SDK2: variants seen among roughly 807,000 people sequenced by gnomAD.
The protein encoded by SDK2 is protein sidekick-2.
A neutral mutation model predicts 253.9 loss-of-function variants in SDK2; 105 were observed. The ratio of observed to expected loss-of-function variants is 0.41; its 90% CI spans 0.35 to 0.49. The LOEUF (loss-of-function observed/expected upper bound fraction) is 0.49. SDK2 is among the 20% of genes least tolerant of loss of function. The pLI is 0.06. For missense variants in SDK2, 2,608 were observed against 3,003.0 expected, an observed-to-expected ratio of 0.87 and a Z score of 3.07; for synonymous variants, 1,249 against 1,234.9, an observed-to-expected ratio of 1.01 and a Z score of -0.24.
intron 3 of SDK2, among the ~76,000 whole-genome samples, chr17:73,457,347 C>T (rs1359584069): frequency 7.6e-6 from 1 of 132,202 alleles, no homozygotes; most frequent in East Asian, 2.5e-4. Flanking sequence ...CCTCTCCTCT[C>T]TTTCTTTCTT....
chr17:73,364,011 A>G (rs973569947), intron 38 of SDK2, among the ~76,000 whole-genome samples: 6 of 151,684 alleles, frequency 4.0e-5, no homozygotes, highest in Non-Finnish European at 7.4e-5. Context: ...GCTGGTCACA[A>G]CGATGTTCCC....
intron 34 of SDK2, among the ~76,000 whole-genome samples, chr17:73,380,674 A>G (rs1023636616): frequency 2.0e-5 from 3 of 152,196 alleles, no homozygotes; most frequent in African/African-American, 7.2e-5. Flanking sequence ...TTTCCAGCCC[A>G]CACCCAACAG....
chr17:73,543,379 C>T (rs577685510), intron 1 of SDK2, among the ~76,000 whole-genome samples: 11 of 152,324 alleles, frequency 7.2e-5, no homozygotes, highest in African/African-American at 2.6e-4. Flanking sequence ...CCATGCCGCT[C>T]ATATCCCCTG....
intron 25 of SDK2, among the ~76,000 whole-genome samples, chr17:73,394,667 G>C (rs575718420): frequency 6.6e-6 from 1 of 152,324 alleles, no homozygotes; most frequent in African/African-American, 2.4e-5. Flanking sequence ...AAGGGTGCCA[G>C]GAAAAAGCCA....
intron 36 of SDK2, among the ~76,000 whole-genome samples, chr17:73,371,479 T>A (rs985375539): frequency 6.6e-6 from 1 of 152,204 alleles, no homozygotes; most frequent in Admixed American, 6.5e-5. Context: ...TGACTCGATA[T>A]GAGCAACATG....
intron 1 of SDK2, among the ~76,000 whole-genome samples, chr17:73,597,936 C>T (rs770109123): frequency 3.9e-5 from 6 of 152,144 alleles, no homozygotes; most frequent in Non-Finnish European, 5.9e-5. Context: ...TGAGCCACCG[C>T]GCCTGGCCTA....
At chr17:73,622,196 T>A (rs1279514158) in intron 1 of SDK2, among the ~76,000 whole-genome samples, 1 of 152,232 alleles carries the variant, frequency 6.6e-6, no homozygotes, top group Non-Finnish European at 1.5e-5. Flanking sequence ...TGCCCAGCCA[T>A]GGGCTATAAG....
At chr17:73,479,539 A>T (rs2063708676) in intron 2 of SDK2, among the ~76,000 whole-genome samples, 1 of 152,256 alleles carries the variant, frequency 6.6e-6, no homozygotes, top group African/African-American at 2.4e-5. Context: ...GGCGATCAAA[A>T]GGGAAAAGAA....
In SDK2 at chr17:73,355,159, C is replaced by CATATATATATATAT. The variant is rs1555750469; in HGVS notation, c.5594-2536_5594-2523dup. Among the ~76,000 whole-genome samples the CATATATATATATAT allele has an allele frequency of 7.4e-4, 36 of 48,580 alleles. 5 individuals are homozygous for CATATATATATATAT. Among genetic ancestry groups the CATATATATATATAT allele is most frequent in the African/African-American group, 1.9e-3 (14 of 7,544 alleles). The allele number at this position is 48,580 out of a possible 152,430, so 31.9% of individuals were successfully genotyped here. On this transcript the variant is annotated intron_variant, in intron 40 of 44. Transcript: ENST00000392650. ...TTTGAGCCTCTGCCTCCTACACCTCCATATATATATATATATTTTTTTTTT... is the reference window on the plus strand; with the variant it reads ...TTTGAGCCTCTGCCTCCTACACCTCCATATATATATATATATATATATATATATATTTTTTTTTT...
At chr17:73,565,638 C>G (rs1474470500) in intron 1 of SDK2, among the ~76,000 whole-genome samples, 1 of 152,186 alleles carries the variant, frequency 6.6e-6, no homozygotes, top group African/African-American at 2.4e-5. Context: ...TTCTAGATCT[C>G]TAATATGGTT....
intron 12 of SDK2, among the ~76,000 whole-genome samples, chr17:73,426,407 A>G (rs2063284606): frequency 6.6e-6 from 1 of 151,844 alleles, no homozygotes; most frequent in Non-Finnish European, 1.5e-5. Flanking sequence ...CTCAATAAAA[A>G]TATCATAAAC....
At chr17:73,577,574 G>T (rs16977680) in intron 1 of SDK2, among the ~76,000 whole-genome samples, 2,427 of 152,276 alleles carry the variant, frequency 0.016, 23 homozygotes, top group Middle Eastern at 0.065. Context: ...GGATATCAAG[G>T]TGTCCTTCAT....
chr17:73,416,871 G>C (rs1211067869), intron 16 of SDK2, among the ~76,000 whole-genome samples: 4 of 152,122 alleles, frequency 2.6e-5, no homozygotes, highest in Admixed American at 2.6e-4. Context: ...TTATAGGCGT[G>C]AGCCACCATG....
Position 73,405,496 on chromosome 17 carries a change from AT to A in SDK2, c.2485-3356del, listed in dbSNP as rs1568385694. Among the ~76,000 whole-genome samples the A allele has an allele frequency of 3.8e-3, 385 of 100,850 alleles. 28 individuals carry two copies. Among genetic ancestry groups the A allele is most frequent in the Non-Finnish European group, 5.6e-3 (280 of 49,732 alleles). 66.2% of individuals were successfully genotyped at this position (100,850 alleles called of 152,430 possible). A position where few individuals can be genotyped will look rare whatever the true frequency, so the allele number is the denominator to read the frequency against. ...TATATATATATATATATATATATATATATATATATATATATATATATAAAGA... is the reference window on the plus strand; with the variant it reads ...TATATATATATATATATATATATATAATATATATATATATATATATAAAGA... On this transcript the variant is annotated intron_variant, in intron 18 of 44. Transcript: ENST00000392650.
intron 2 of SDK2, among the ~76,000 whole-genome samples, chr17:73,502,660 A>G (rs1174790732): frequency 6.6e-6 from 1 of 152,300 alleles, no homozygotes; most frequent in East Asian, 1.9e-4. Context: ...AAAGCTGTTT[A>G]CAAAAGAATG....
chr17:73,467,320 CA>C lies in SDK2; in HGVS notation c.331+4791del, dbSNP rs1391590629. On this transcript the variant is annotated intron_variant, in intron 3 of 44. Coordinates refer to ENST00000392650, the MANE Select transcript of SDK2 (RefSeq NM_001144952.2). The surrounding 1 kb of genome is among the most constrained non-coding windows in gnomAD (Gnocchi z 4.1). ...TGGCGCTGTTTTGGAATCAGGCAGT[CA>C]TGGGTTCAAATCCCAGTTTTTCCTA... Among the ~76,000 whole-genome samples, 2 of 152,046 alleles carry C rather than the reference CA, an allele frequency of 1.3e-5. No homozygotes were observed. Among genetic ancestry groups the C allele is most frequent in the Admixed American group, 6.5e-5 (1 of 15,270 alleles).
In SDK2 at chr17:73,443,362, C is replaced by T. The variant is rs987987410; in HGVS notation, c.614-2439G>A. On this transcript the variant is annotated intron_variant, in intron 5 of 44. Transcript: ENST00000392650. This position sits in a 1 kb window ranked among gnomAD's most constrained non-coding sequence, Gnocchi z 4.6. ...TCATGTAGGTGCCATAACGAGCGATCGGATTGAAAGCTGCTGATATAGCTG... is the reference window on the plus strand; with the variant it reads ...TCATGTAGGTGCCATAACGAGCGATTGGATTGAAAGCTGCTGATATAGCTG... Among the ~76,000 whole-genome samples, 7 of 152,350 alleles carry T rather than the reference C, an allele frequency of 4.6e-5. No homozygotes were observed. Among genetic ancestry groups the T allele is most frequent in the Admixed American group, 2.6e-4 (4 of 15,302 alleles).
intron 1 of SDK2, among the ~76,000 whole-genome samples, chr17:73,567,492 G>A (rs1417551694): frequency 1.3e-5 from 2 of 152,262 alleles, no homozygotes; most frequent in Non-Finnish European, 2.9e-5. Context: ...GACACTGCCT[G>A]GTGAAGCTGT....
At chr17:73,419,369 G>A (rs2063209426) in intron 15 of SDK2, 63 bp from the exon 16 acceptor site, 3 of 1,560,814 alleles carry the variant, frequency 1.9e-6, no homozygotes, top group African/African-American at 1.3e-5. Flanking sequence ...AATGGGATAT[G>A]AGAAGGCTGA....
Sources: allele counts gnomAD v4.1 joint callset (sites outside exome capture counted in the v4.1 genomes callset), GRCh38; gene constraint gnomAD v4.1.1; non-coding constraint Gnocchi (gnomAD v3.1); transcripts MANE v1.5; gene names NCBI Gene and HGNC (gene_info 2026-07-23, HGNC 2026-07-21).